Variants in FAF2 observed in about 807,000 individuals in gnomAD.
The protein encoded by FAF2 is Fas associated factor family member 2.
FAF2 carries 9 observed loss-of-function variants against 62.3 expected under a neutral mutation model. The observed-to-expected ratio is 0.14, with a 90% CI of 0.09 to 0.25. FAF2 has a LOEUF of 0.25. Ranked by LOEUF, FAF2 falls within the 10% of genes least tolerant of loss-of-function variation. The pLI is 1.00. For missense variants in FAF2, 368 were observed against 556.2 expected, an observed-to-expected ratio of 0.66 and a Z score of 3.40; for synonymous variants, 202 against 198.0, an observed-to-expected ratio of 1.02 and a Z score of -0.17.
chr5:176,508,508 A>G lies in FAF2; in HGVS notation c.*1558A>G, dbSNP rs1277612768. 1.3e-5 allele frequency: 2 copies of G among 152,168 alleles called. No individual in the cohort carries two copies. The highest frequency in any genetic ancestry group is 1.5e-5 in the Non-Finnish European group (1 of 68,038). The allele number at this position is 152,168 out of a possible 1,614,324, so 9.4% of individuals were successfully genotyped here. A position where few individuals can be genotyped will look rare whatever the true frequency, so the allele number is the denominator to read the frequency against. On this transcript the variant is annotated 3_prime_UTR_variant, in exon 11 of 11. Transcript: ENST00000261942. ...TTTTGGTAGCAATTATATGGTTACT[A>G]TCCACTGCAGTCCTCAGTTGTTGGG...
intron 2 of FAF2, among the ~76,000 whole-genome samples, chr5:176,484,414 A>G (rs1758838019): frequency 6.6e-6 from 1 of 152,236 alleles, no homozygotes; most frequent in South Asian, 2.1e-4. Flanking sequence ...CAGCGTCTCC[A>G]TACTGTATAC....
chr5:176,488,764 TAGTA>T (rs1361082776), intron 3 of FAF2, among the ~76,000 whole-genome samples, 183 bp from the exon 4 acceptor site: 1 of 151,926 alleles, frequency 6.6e-6, no homozygotes, highest in African/African-American at 2.4e-5. Context: ...AAAAAAATGA[TAGTA>T]AGATGAAATA....
At chr5:176,496,370 T>C in intron 7 of FAF2, 116 bp from the exon 8 acceptor site, 1 of 777,634 alleles carries the variant, frequency 1.3e-6, no homozygotes, top group Non-Finnish European at 1.9e-6. Context: ...AAATGATACC[T>C]CTCGTCTTCC....
chr5:176,467,469 T>C (rs574115759), intron 1 of FAF2, among the ~76,000 whole-genome samples: 2 of 152,240 alleles, frequency 1.3e-5, no homozygotes, highest in South Asian at 4.1e-4. Context: ...TAGCTAGAGA[T>C]TACAGGCATG....
intron 3 of FAF2, among the ~76,000 whole-genome samples, 184 bp downstream of exon 3, chr5:176,486,673 AT>A (rs5873535): frequency 0.83 from 125,556 of 151,318 alleles, 52,186 homozygotes; most frequent in African/African-American, 0.91. Flanking sequence ...GAAACTACTC[AT>A]TTTTTTTTTC....
intron 8 of FAF2, 108 bp from the exon 9 acceptor site, chr5:176,498,806 A>G: frequency 1.9e-6 from 2 of 1,069,794 alleles, no homozygotes; most frequent in South Asian, 3.2e-5. Flanking sequence ...ATCTGCTAAG[A>G]ATATCAACAT....
In FAF2 at chr5:176,449,596, C is replaced by T. The variant is rs144396872; in HGVS notation, c.63+1126C>T. Among the ~76,000 whole-genome samples, 60 of 152,046 alleles carry T rather than the reference C, an allele frequency of 3.9e-4. No individual in the cohort carries two copies. The East Asian group carries it at 0.011, about 28-fold the overall frequency. On this transcript the variant is annotated intron_variant, in intron 1 of 10. Coordinates refer to ENST00000261942, the MANE Select transcript of FAF2 (RefSeq NM_014613.3). ...GTCTCAAAAAAAAAAAAATCTACCT[C>T]CTGAGGATGTTCGGGAGATCAAATG...
At chr5:176,473,955 G>A (rs60346017) in intron 1 of FAF2, among the ~76,000 whole-genome samples, 1,942 of 152,136 alleles carry the variant, frequency 0.013, 45 homozygotes, top group African/African-American at 0.044. Context: ...ATATATTTCC[G>A]GCCCCAGTCC....
rs771600484 is a variant in FAF2 at position 176,496,571 on chromosome 5, A to G, written c.747A>G (p.Leu249=). ...KDRRMTVVGR[L]EGLIQPDDLI... ...GAAGGATGACTGTGGTGGGACGGCTAGAAGGCCTCATTCAACCTGATGACC... is the reference window on the plus strand; with the variant it reads ...GAAGGATGACTGTGGTGGGACGGCTGGAAGGCCTCATTCAACCTGATGACC... The change falls in exon 8 of 11, where the codon CTA becomes CTG. Residue 249 remains leucine, a synonymous_variant. Transcript: ENST00000261942. 2.5e-5 allele frequency: 41 copies of G among 1,613,174 alleles called. No homozygotes were observed. Among genetic ancestry groups the G allele is most frequent in the Non-Finnish European group, 3.4e-5 (40 of 1,179,590 alleles).
chr5:176,453,235 G>A (rs568155295), intron 1 of FAF2: 12 of 152,306 alleles, frequency 7.9e-5, no homozygotes, highest in Non-Finnish European at 1.5e-4. Context: ...GCAGGTATGT[G>A]GAAGGTTACT....
chr5:176,469,601 A>G (rs1335279512), intron 1 of FAF2, among the ~76,000 whole-genome samples: 1 of 152,228 alleles, frequency 6.6e-6, no homozygotes, highest in Admixed American at 6.5e-5. Flanking sequence ...AGTCCTTTCG[A>G]AATGCATTTT....
At chr5:176,475,960 TA>T (rs1032308787) in intron 1 of FAF2, among the ~76,000 whole-genome samples, 1 of 151,942 alleles carries the variant, frequency 6.6e-6, no homozygotes, top group Non-Finnish European at 1.5e-5. Context: ...CATTTGAAGT[TA>T]AAAAACCCCA....
chr5:176,486,558 C>A lies in FAF2; in HGVS notation c.267+69C>A. The A allele has an allele frequency of 3.4e-6, 5 of 1,477,802 alleles. No homozygotes were observed. The South Asian group carries it at 6.0e-5, about 18-fold the overall frequency. The allele number at this position is 1,477,802 out of a possible 1,614,324, so 91.5% of individuals were successfully genotyped here. ...AGTATATCCACTTGGTTATATTGAT[C>A]TCCCTGTGACAGGAGCAAAACAAAT... On this transcript the variant is annotated intron_variant, in intron 3 of 10. Coordinates refer to ENST00000261942, the MANE Select transcript of FAF2 (RefSeq NM_014613.3).
chr5:176,489,595 T>C (rs1036051927), intron 4 of FAF2, among the ~76,000 whole-genome samples: 1 of 152,184 alleles, frequency 6.6e-6, no homozygotes, highest in Non-Finnish European at 1.5e-5. Flanking sequence ...TAGAGTGCAG[T>C]GCCACCATCT....
chr5:176,502,355 C>T (rs1168459689), intron 10 of FAF2, among the ~76,000 whole-genome samples: 4 of 151,914 alleles, frequency 2.6e-5, no homozygotes, highest in East Asian at 2.0e-4. Context: ...CCGAGGCAGG[C>T]GGATCACCTG....
chr5:176,473,503 C>A (rs58494069), intron 1 of FAF2, among the ~76,000 whole-genome samples: 1 of 152,126 alleles, frequency 6.6e-6, no homozygotes, highest in Non-Finnish European at 1.5e-5. Flanking sequence ...CACTGTTAAT[C>A]CCCCTGCCCT....
intron 2 of FAF2, 49 bp downstream of exon 2, chr5:176,479,305 A>G: frequency 1.4e-6 from 2 of 1,448,630 alleles, no homozygotes; most frequent in Non-Finnish European, 9.7e-7. Flanking sequence ...TGGTCTGATT[A>G]AGAGTCAAAA....
intron 1 of FAF2, among the ~76,000 whole-genome samples, chr5:176,449,446 A>G (rs1008611996): frequency 6.6e-6 from 1 of 152,066 alleles, no homozygotes; most frequent in South Asian, 2.1e-4. Context: ...GTGGTGGTGC[A>G]CGCCTGTGGT....
At chr5:176,506,742 C>G (rs776696545) in intron 10 of FAF2, 26 bp from the exon 11 acceptor site, 1 of 1,600,828 alleles carries the variant, frequency 6.2e-7, no homozygotes, top group East Asian at 2.2e-5. Flanking sequence ...TCTCACCACC[C>G]TTCTTTTTCT....
Sources: gnomAD v4.1 joint callset for allele counts (sites outside exome capture counted in the v4.1 genomes callset) on GRCh38, gnomAD v4.1.1 for gene constraint, MANE v1.5 for transcripts, NCBI Gene and HGNC (gene_info 2026-07-23, HGNC 2026-07-21) for gene names.